The following EPSTI1 variants were observed in gnomAD, a reference collection of about 807,000 sequenced individuals.
EPSTI1 encodes epithelial stromal interaction 1.
In EPSTI1, 66 loss-of-function variants were observed where a neutral mutation model predicts 49.9. The ratio of observed to expected loss-of-function variants is 1.32; its 90% CI spans 1.08 to 1.62. The LOEUF is 1.62. Among genes scored for constraint, EPSTI1 ranks in the 40% most tolerant of loss-of-function variants. The pLI is 0.00. For missense variants in EPSTI1, 394 were observed against 365.5 expected (o/e 1.08, Z -0.64); for synonymous variants, 137 against 130.7 (o/e 1.05, Z -0.33).
chr13:42,985,428 G>A (rs2040059992), intron 1 of EPSTI1, among the ~76,000 whole-genome samples: 1 of 152,110 alleles, frequency 6.6e-6, no homozygotes, highest in African/African-American at 2.4e-5. Context: ...AGTTTTTGCA[G>A]AGCCTTTTGT....
chr13:42,974,930 G>A (rs9533326), intron 1 of EPSTI1, among the ~76,000 whole-genome samples: 94,475 of 151,842 alleles, frequency 0.62, 29,467 homozygotes, highest in Middle Eastern at 0.83. Context: ...GCAAAAGTTC[G>A]GAAAGAGAAA....
intron 8 of EPSTI1, among the ~76,000 whole-genome samples, chr13:42,904,517 C>T (rs913682650): frequency 7.2e-5 from 11 of 152,102 alleles, no homozygotes; most frequent in Admixed American, 2.0e-4. Context: ...AGCATCAAAA[C>T]GTAAGACGTA....
intron 8 of EPSTI1, among the ~76,000 whole-genome samples, chr13:42,902,885 A>G (rs994384867): frequency 6.6e-6 from 1 of 152,196 alleles, no homozygotes; most frequent in East Asian, 1.9e-4. Context: ...CATTCAAAAT[A>G]AATGGTTGGA....
chr13:42,906,768 A>T (rs1436000025), intron 8 of EPSTI1, among the ~76,000 whole-genome samples: 2 of 152,248 alleles, frequency 1.3e-5, no homozygotes, highest in African/African-American at 4.8e-5. Flanking sequence ...AAATCAAAGG[A>T]AATAAATACT....
intron 10 of EPSTI1, among the ~76,000 whole-genome samples, chr13:42,891,921 T>C (rs1566092313): frequency 6.6e-6 from 1 of 151,994 alleles, no homozygotes; most frequent in Non-Finnish European, 1.5e-5. Context: ...AAGAGTGCTA[T>C]AGAAAAAGGG....
At chr13:42,951,968 C>T (rs948005031) in intron 6 of EPSTI1, among the ~76,000 whole-genome samples, 7 of 152,118 alleles carry the variant, frequency 4.6e-5, no homozygotes, top group African/African-American at 1.2e-4. Flanking sequence ...ATCAGCACTC[C>T]GTAGCTAGGA....
At chr13:42,898,178 A>G (rs2037251046) in intron 9 of EPSTI1, among the ~76,000 whole-genome samples, 2 of 152,196 alleles carry the variant, frequency 1.3e-5, no homozygotes, top group African/African-American at 4.8e-5. Flanking sequence ...TATAATACTC[A>G]GAGTTGAGTT....
At chr13:42,955,964 A>G (rs1425103701) in intron 5 of EPSTI1, among the ~76,000 whole-genome samples, 1 of 151,400 alleles carries the variant, frequency 6.6e-6, no homozygotes, top group Non-Finnish European at 1.5e-5. Flanking sequence ...TGCCTGTTAT[A>G]TGCTCGGTAC....
chr13:42,947,982 C>T (rs2038969697), intron 6 of EPSTI1, among the ~76,000 whole-genome samples: 1 of 152,232 alleles, frequency 6.6e-6, no homozygotes, highest in South Asian at 2.1e-4. Context: ...AGGCCCCGGT[C>T]CTGCTGGGTT....
At chr13:42,968,920 A>AG (rs397960227) in intron 3 of EPSTI1, among the ~76,000 whole-genome samples, 174 bp downstream of exon 3, 3 of 101,496 alleles carry the variant, frequency 3.0e-5, no homozygotes, top group Non-Finnish European at 5.6e-5. Context: ...AAAAAAAAAA[A>AG]TACACACACA....
At position 42,922,364 on chromosome 13, in the gene EPSTI1, C is replaced by T. The variant is rs1399649616; in HGVS notation, c.657+3972G>A. On this transcript the variant is annotated intron_variant, in intron 7 of 10. Coordinates refer to ENST00000313624, the MANE Select transcript of EPSTI1 (RefSeq NM_033255.5). The surrounding 1 kb of genome is among the most constrained non-coding windows in gnomAD (Gnocchi z 4.8). Reference sequence around the variant, plus strand: ...ATTAGCCTGGATAGTCCAGGTGGGCCCATTGTAATCAAAAGGGTCATTATA... The same window carrying T: ...ATTAGCCTGGATAGTCCAGGTGGGCTCATTGTAATCAAAAGGGTCATTATA... Among the ~76,000 whole-genome samples, 1 of 151,818 alleles carries T rather than the reference C, an allele frequency of 6.6e-6. No homozygotes were observed. The highest frequency in any genetic ancestry group is 2.4e-5 in the African/African-American group (1 of 41,278).
At chr13:42,898,903 T>A (rs973580925) in intron 9 of EPSTI1, among the ~76,000 whole-genome samples, 5 of 152,088 alleles carry the variant, frequency 3.3e-5, no homozygotes, top group African/African-American at 1.2e-4. Flanking sequence ...GGAAGTATTT[T>A]AAAGAGAAAA....
At chr13:42,983,937 T>C (rs1171657487) in intron 1 of EPSTI1, among the ~76,000 whole-genome samples, 3 of 152,218 alleles carry the variant, frequency 2.0e-5, no homozygotes, top group African/African-American at 7.2e-5. Context: ...TCATAACTAA[T>C]TTACTTTATG....
At chr13:42,938,932 A>AAAAAAAAAC (rs1566136910) in intron 6 of EPSTI1, among the ~76,000 whole-genome samples, 1 of 149,768 alleles carries the variant, frequency 6.7e-6, no homozygotes, top group African/African-American at 2.5e-5. Flanking sequence ...AAAAAAAAAA[A>AAAAAAAAAC]TCTGTTGTTT....
intron 2 of EPSTI1, chr13:42,969,811 A>ATC (rs1350173052): frequency 3.3e-5 from 5 of 152,318 alleles, no homozygotes; most frequent in Admixed American, 3.3e-4. Flanking sequence ...GCCTCCCCTT[A>ATC]TCTCCTCATG....
At chr13:42,963,745 T>G (rs1182683410) in intron 4 of EPSTI1, among the ~76,000 whole-genome samples, 1 of 152,194 alleles carries the variant, frequency 6.6e-6, no homozygotes, top group Non-Finnish European at 1.5e-5. Flanking sequence ...TGCCATGCAG[T>G]AAACAAATCC....
At chr13:42,915,533 A>G (rs1417253827) in intron 8 of EPSTI1, among the ~76,000 whole-genome samples, 2 of 152,204 alleles carry the variant, frequency 1.3e-5, no homozygotes, top group East Asian at 1.9e-4. Flanking sequence ...CCTGGTCTCA[A>G]AAAAAGAGAA....
chr13:42,943,216 C>T (rs1480105713), intron 6 of EPSTI1, among the ~76,000 whole-genome samples: 1 of 152,166 alleles, frequency 6.6e-6, no homozygotes, highest in African/African-American at 2.4e-5. Context: ...ACCACATATT[C>T]CCCCAGGTAT....
chr13:42,952,902 G>A (rs371929710), intron 6 of EPSTI1, among the ~76,000 whole-genome samples: 66 of 152,322 alleles, frequency 4.3e-4, no homozygotes, highest in African/African-American at 1.5e-3. Context: ...TGAGAAATCA[G>A]AAGATACTGT....
Sources: gnomAD v4.1 joint callset for allele counts (sites outside exome capture counted in the v4.1 genomes callset) on GRCh38, gnomAD v4.1.1 for gene constraint, Gnocchi (gnomAD v3.1) non-coding constraint, MANE v1.5 for transcripts, NCBI Gene and HGNC (gene_info 2026-07-23, HGNC 2026-07-21) for gene names.